XKR6: variants seen among roughly 807,000 people sequenced by gnomAD.
XKR6 encodes the protein XK related 6, also known as XK-related protein 6.
Under a neutral mutation model 56.7 loss-of-function variants are expected in XKR6, and 22 were observed. The observed-to-expected ratio is 0.39, with a 90% confidence interval of 0.28 to 0.55. The LOEUF is 0.55. XKR6 is among the 20% of genes least tolerant of loss of function. XKR6 has a pLI of 0.66. For missense variants in XKR6, 852 were observed against 889.0 expected (o/e 0.96, Z 0.53); for synonymous variants, 524 against 387.8 (o/e 1.35, Z -4.13).
intron 1 of XKR6, among the ~76,000 whole-genome samples, chr8:11,002,081 ACACAC>A: frequency 6.8e-6 from 1 of 146,764 alleles, no homozygotes; most frequent in African/African-American, 2.6e-5. Context: ...AAAAAAAAAA[ACACAC>A]AAAAAACCTC....
chr8:11,123,583 T>C (rs1322330712), intron 1 of XKR6: 5 of 286,404 alleles, frequency 1.7e-5, no homozygotes, highest in East Asian at 1.8e-4. Context: ...ATAATCATAA[T>C]GGATATACAC....
chr8:10,986,738 T>A (rs558228036), intron 1 of XKR6, among the ~76,000 whole-genome samples: 1 of 152,288 alleles, frequency 6.6e-6, no homozygotes, highest in South Asian at 2.1e-4. Flanking sequence ...TCCTTATCTA[T>A]GAAGTAAGAA....
At chr8:11,052,544 G>C (rs1799577038) in intron 1 of XKR6, among the ~76,000 whole-genome samples, 1 of 152,188 alleles carries the variant, frequency 6.6e-6, no homozygotes, top group Admixed American at 6.5e-5. Flanking sequence ...GAAGGGATGG[G>C]TGTGCTGAGG....
chr8:11,001,895 C>T (rs1227424857), intron 1 of XKR6, among the ~76,000 whole-genome samples: 1 of 152,116 alleles, frequency 6.6e-6, no homozygotes, highest in African/African-American at 2.4e-5. Context: ...GAGCCCTGGT[C>T]CCTCTGCTGT....
At chr8:11,049,698 T>C (rs1193778361) in intron 1 of XKR6, among the ~76,000 whole-genome samples, 2 of 152,100 alleles carry the variant, frequency 1.3e-5, no homozygotes, top group Non-Finnish European at 2.9e-5. Flanking sequence ...GTGTTAACAC[T>C]GGAAACACCT....
At chr8:11,095,900 A>G (rs542984477) in intron 1 of XKR6, among the ~76,000 whole-genome samples, 1 of 152,324 alleles carries the variant, frequency 6.6e-6, no homozygotes, top group African/African-American at 2.4e-5. Flanking sequence ...CTGTTTTCCA[A>G]TTAAGTCTAT....
At chr8:11,047,913 G>C (rs907862707) in intron 1 of XKR6, among the ~76,000 whole-genome samples, 18 of 152,158 alleles carry the variant, frequency 1.2e-4, no homozygotes, top group South Asian at 8.3e-4. Flanking sequence ...CTTCTGATTA[G>C]TGTTGAAAGT....
At chr8:11,007,457 C>T (rs1798395627) in intron 1 of XKR6, among the ~76,000 whole-genome samples, 1 of 152,174 alleles carries the variant, frequency 6.6e-6, no homozygotes, top group African/African-American at 2.4e-5. Flanking sequence ...AAAATCATGC[C>T]TACAGCAACA....
intron 1 of XKR6, among the ~76,000 whole-genome samples, chr8:11,145,531 A>T (rs911290661): frequency 1.3e-5 from 2 of 152,258 alleles, no homozygotes; most frequent in Admixed American, 6.5e-5. Flanking sequence ...AGATTGCAGG[A>T]TATGCAAAGA....
intron 1 of XKR6, among the ~76,000 whole-genome samples, chr8:11,197,221 G>T (rs1036269186): frequency 6.6e-6 from 1 of 152,136 alleles, no homozygotes; most frequent in Non-Finnish European, 1.5e-5. Flanking sequence ...AAATAGAAGG[G>T]TGCAAACACA....
chr8:11,137,025 G>C (rs999492592), intron 1 of XKR6: 1 of 152,366 alleles, frequency 6.6e-6, no homozygotes, highest in Non-Finnish European at 1.5e-5. Flanking sequence ...GAAAAAGATG[G>C]TAGAAGACAC....
At chr8:10,959,687 C>T (rs10088408) in intron 1 of XKR6, among the ~76,000 whole-genome samples, 86,483 of 151,896 alleles carry the variant, frequency 0.57, 27,154 homozygotes, top group African/African-American at 0.83. Flanking sequence ...CCCCACCTAA[C>T]ACCATCCCAC....
At chr8:11,009,969 G>A (rs1306040613) in intron 1 of XKR6, among the ~76,000 whole-genome samples, 2 of 152,156 alleles carry the variant, frequency 1.3e-5, no homozygotes, top group Non-Finnish European at 2.9e-5. Context: ...TAAAATAATT[G>A]TATTAGTCTG....
intron 1 of XKR6, among the ~76,000 whole-genome samples, chr8:11,049,873 G>C (rs900786089): frequency 1.3e-5 from 2 of 152,220 alleles, no homozygotes; most frequent in African/African-American, 4.8e-5. Flanking sequence ...ACAGCCAGGA[G>C]AGAAAGACTG....
chr8:11,100,671 T>C (rs1464723804), intron 1 of XKR6, among the ~76,000 whole-genome samples: 2 of 152,222 alleles, frequency 1.3e-5, no homozygotes, highest in African/African-American at 4.8e-5. Flanking sequence ...CACAACAGAA[T>C]TTTGCTGTAT....
chr8:11,120,986 G>A (rs1192261954), intron 1 of XKR6, among the ~76,000 whole-genome samples: 8 of 152,206 alleles, frequency 5.3e-5, no homozygotes, highest in Admixed American at 5.2e-4. Flanking sequence ...CTAGCCATAT[G>A]GAGAAAGCTG....
chr8:11,093,417 C>A (rs994428832), intron 1 of XKR6, among the ~76,000 whole-genome samples: 1 of 152,162 alleles, frequency 6.6e-6, no homozygotes, highest in African/African-American at 2.4e-5. Context: ...GCCCTTAGCA[C>A]GAAGATGGCT....
chr8:11,004,810 T>G (rs887891051), intron 1 of XKR6, among the ~76,000 whole-genome samples: 23 of 152,200 alleles, frequency 1.5e-4, no homozygotes, highest in African/African-American at 5.1e-4. Context: ...AAACAATGAA[T>G]GGATAAACGT....
chr8:11,153,117 TCA>T (rs1458027619), intron 1 of XKR6, among the ~76,000 whole-genome samples: 6 of 152,336 alleles, frequency 3.9e-5, no homozygotes, highest in Admixed American at 2.6e-4. Context: ...GTGCCAACAT[TCA>T]CAGTTTAATC....
Sources: gnomAD v4.1 joint callset for allele counts (sites outside exome capture counted in the v4.1 genomes callset) on GRCh38, gnomAD v4.1.1 for gene constraint, MANE v1.5 for transcripts, NCBI Gene and HGNC (gene_info 2026-07-23, HGNC 2026-07-21) for gene names.